TNRC6A: variants seen among roughly 807,000 people sequenced by gnomAD.
TNRC6A encodes trinucleotide repeat containing adaptor 6A.
TNRC6A carries 44 observed loss-of-function variants against 221.2 expected under a neutral mutation model. The ratio of observed to expected loss-of-function variants is 0.20; its 90% CI spans 0.16 to 0.26. The LOEUF (loss-of-function observed/expected upper bound fraction) is 0.26, where lower values mean the gene tolerates loss of function less well. Ranked by LOEUF, TNRC6A falls within the 10% of genes least tolerant of loss-of-function variation. TNRC6A has a pLI of 1.00. For missense variants in TNRC6A, 2,199 were observed against 2,404.4 expected, an observed-to-expected ratio of 0.91 and a Z score of 1.79; for synonymous variants, 847 against 838.5, an observed-to-expected ratio of 1.01 and a Z score of -0.18.
chr16:24,742,489 G>T (rs972997118), intron 2 of TNRC6A, among the ~76,000 whole-genome samples: 4 of 152,192 alleles, frequency 2.6e-5, no homozygotes, highest in African/African-American at 9.6e-5. Flanking sequence ...TGGTGTTACA[G>T]TGTTAGTAAA....
intron 2 of TNRC6A, among the ~76,000 whole-genome samples, chr16:24,695,059 C>T (rs57211274): frequency 0.063 from 9,582 of 152,210 alleles, 771 homozygotes; most frequent in East Asian, 0.32. Context: ...AAACCCACAT[C>T]GGATAATGTG....
rs1900506634 is a variant in TNRC6A, at chr16:24,618,669, G to GA, written n.276+8186dup. ...TTTTTTTTTTTTTTTTTTTTTTTTT[G>GA]AGACAAGGTCTCACTCTGGCATCCC... On this transcript the variant is annotated intron_variant and non_coding_transcript_variant, in intron 1 of 2. Transcript: ENST00000566108. 1.5e-4 allele frequency among the ~76,000 whole-genome samples: 4 copies of GA among 26,548 alleles called. No individual in the cohort carries two copies. In the East Asian group the frequency reaches 3.3e-3, roughly 22 times the overall value. 17.4% of individuals were successfully genotyped at this position (26,548 alleles called of 152,430 possible).
At chr16:24,674,506 G>C (rs2055368083) in intron 2 of TNRC6A, among the ~76,000 whole-genome samples, 1 of 152,104 alleles carries the variant, frequency 6.6e-6, no homozygotes. Context: ...TAATAATCTG[G>C]AACTAATTGG....
chr16:24,747,710 T>G (rs1420221123), intron 2 of TNRC6A, among the ~76,000 whole-genome samples: 3 of 152,152 alleles, frequency 2.0e-5, no homozygotes, highest in Non-Finnish European at 4.4e-5. Context: ...GTGATGATAG[T>G]GTTGAAGAAC....
rs75174818 is a variant in TNRC6A at position 24,794,800 on chromosome 16, C to G, written c.3528+81C>G. 3,544 of 1,402,534 alleles carry G rather than the reference C, an allele frequency of 2.5e-3. 104 individuals carry two copies. In the East Asian group the frequency reaches 0.068, roughly 27 times the overall value. The allele number at this position is 1,402,534 out of a possible 1,614,324, so 86.9% of individuals were successfully genotyped here. On this transcript the variant is annotated intron_variant, in intron 8 of 24. Transcript: ENST00000395799. Reference sequence around the variant, plus strand: ...CACAGAAAATTAACTTTTCGCCTGCCCATTTCTGGCGGTCAGTACAGTCCA... The same window carrying G: ...CACAGAAAATTAACTTTTCGCCTGCGCATTTCTGGCGGTCAGTACAGTCCA...
intron 2 of TNRC6A, chr16:24,661,634 G>C (rs1224864385): frequency 1.3e-5 from 2 of 152,098 alleles, no homozygotes; most frequent in South Asian, 2.1e-4. Context: ...GGATGGTCTC[G>C]ATCTCTTCAC....
At chr16:24,795,762 T>G in intron 8 of TNRC6A, 145 bp from the exon 9 acceptor site, 2 of 637,868 alleles carry the variant, frequency 3.1e-6, no homozygotes, top group Non-Finnish European at 5.4e-6. Context: ...CTGATGAATT[T>G]GAGACTGGAA....
chr16:24,696,406 G>A (rs1033653553), intron 2 of TNRC6A, among the ~76,000 whole-genome samples: 29 of 150,750 alleles, frequency 1.9e-4, no homozygotes, highest in Non-Finnish European at 1.9e-4. Flanking sequence ...TCATGCTAAA[G>A]GTGCTTGTTC....
intron 2 of TNRC6A, among the ~76,000 whole-genome samples, chr16:24,655,000 T>C (rs1181518997): frequency 1.3e-5 from 2 of 152,172 alleles, no homozygotes; most frequent in South Asian, 2.1e-4. Flanking sequence ...CCCAGCACTT[T>C]GGGAGCCCAA....
chr16:24,807,468 T>C lies in TNRC6A; in HGVS notation c.4540+684T>C, dbSNP rs368173765. Among the ~76,000 whole-genome samples, 17 of 152,346 alleles carry C rather than the reference T, an allele frequency of 1.1e-4. No individual in the cohort carries two copies. The East Asian group carries it at 3.3e-3, about 29-fold the overall frequency. ...TTAGAAACAGTACACCAGAGAATTTTTGAGCAGTGCTGTTTTGGTGAAACA... is the reference window on the plus strand; with the variant it reads ...TTAGAAACAGTACACCAGAGAATTTCTGAGCAGTGCTGTTTTGGTGAAACA... On this transcript the variant is annotated intron_variant, in intron 17 of 24. Coordinates refer to ENST00000395799, the MANE Select transcript of TNRC6A (RefSeq NM_014494.4).
rs372754630 is a variant in TNRC6A, at chr16:24,748,389, T to C, written c.54-2337T>C. ...TCTTGCTCCTTGACTTCCCTGGGAT[T>C]GTAGTGTGAGTGAGCTTGTTCAGTC... On this transcript the variant is annotated intron_variant, in intron 2 of 24. Coordinates refer to ENST00000395799, the MANE Select transcript of TNRC6A (RefSeq NM_014494.4). Among the ~76,000 whole-genome samples, 26 of 152,256 alleles carry C rather than the reference T, an allele frequency of 1.7e-4. 1 individual carries two copies. Among genetic ancestry groups the C allele is most frequent in the African/African-American group, 6.0e-4 (25 of 41,538 alleles).
chr16:24,645,140 A>G (rs1902205778), intron 2 of TNRC6A, among the ~76,000 whole-genome samples: 1 of 152,238 alleles, frequency 6.6e-6, no homozygotes, highest in South Asian at 2.1e-4. Context: ...TCACTTCCAC[A>G]TTGGTGAAGC....
At position 24,823,378 on chromosome 16, in the gene TNRC6A, T is replaced by G; in HGVS notation, c.5514-54T>G. On this transcript the variant is annotated intron_variant, in intron 24 of 24. Transcript: ENST00000395799. This position sits in a 1 kb window ranked among gnomAD's most constrained non-coding sequence, Gnocchi z 4.3. ...AGTTGCACCCTCACTTGTGAGTGAA[T>G]GAAGCCCTCCTGGTGTGCTGTCCTC... 1 of 1,542,746 alleles carries G rather than the reference T, an allele frequency of 6.5e-7. No individual in the cohort carries two copies.
chr16:24,817,217 G>A (rs2058675008), intron 20 of TNRC6A, among the ~76,000 whole-genome samples: 1 of 152,156 alleles, frequency 6.6e-6, no homozygotes, highest in African/African-American at 2.4e-5. Flanking sequence ...TTTAAATGGT[G>A]AGGATTTTAT....
At position 24,824,987 on chromosome 16, in the gene TNRC6A, T is replaced by C. The variant is rs1304809600; in HGVS notation, c.*1180T>C. On this transcript the variant is annotated 3_prime_UTR_variant, in exon 25 of 25. Coordinates refer to ENST00000395799, the MANE Select transcript of TNRC6A (RefSeq NM_014494.4). The stretch of plus-strand genomic sequence containing the variant: ...TGGTTTGCTAATAATCAATAGGTAA[T>C]AATTTTTTGTAATCCCATCAAGTGG... 1 of 152,650 alleles carries C rather than the reference T, an allele frequency of 6.6e-6. No individual in the cohort carries two copies. Among genetic ancestry groups the C allele is most frequent in the East Asian group, 1.9e-4 (1 of 5,204 alleles). The allele number at this position is 152,650 out of a possible 1,614,324, so 9.5% of individuals were successfully genotyped here. A position where few individuals can be genotyped will look rare whatever the true frequency, so the allele number is the denominator to read the frequency against.
intron 5 of TNRC6A, among the ~76,000 whole-genome samples, chr16:24,782,753 G>T (rs575928463): frequency 1.6e-4 from 24 of 152,164 alleles, no homozygotes; most frequent in African/African-American, 5.5e-4. Context: ...GTGGTGGCGG[G>T]CTCCTGTAGT....
In TNRC6A at chr16:24,729,678, G is replaced by GCGGTGTCGGTGTCGGCGGCGGTGT; in HGVS notation, c.-155_-154insTGTCGGCGGCGGTGTCGGTGTCGG. 1.4e-6 allele frequency: 1 copy of GCGGTGTCGGTGTCGGCGGCGGTGT among 727,982 alleles called. No individual in the cohort carries two copies. The highest frequency in any genetic ancestry group is 1.9e-6 in the Non-Finnish European group (1 of 529,052). 45.1% of individuals were successfully genotyped at this position (727,982 alleles called of 1,614,324 possible). On this transcript the variant is annotated 5_prime_UTR_variant, in exon 1 of 25. Transcript: ENST00000395799. ...TTCCGGTCTGGGGCCTGCGGCGGCG[G>GCGGTGTCGGTGTCGGCGGCGGTGT]CGGTGTCGGCGGCGGCGGCGGCGGC...
chr16:24,638,710 CA>C (rs58588503), intron 1 of TNRC6A, among the ~76,000 whole-genome samples: 81,794 of 145,930 alleles, frequency 0.56, 23,379 homozygotes, highest in African/African-American at 0.72. Context: ...AAGGTTGTCT[CA>C]AAAAAAAAAA....
Position 24,804,244 on chromosome 16 carries a change from G to A in TNRC6A, c.3762G>A (p.Thr1254=), listed in dbSNP as rs200279452. The A allele has an allele frequency of 1.1e-4, 177 of 1,613,704 alleles. No individual in the cohort carries two copies. The East Asian group carries it at 2.1e-3, about 19-fold the overall frequency. ...HSLNIGDYNR[T]VGKGPGSRPQ... is the part of the protein sequence containing the mutation. ...TAAATATTGGTGATTACAATCGAAC[G>A]GTCGGGAAAGGCCCTGGTTCTCGGC... Residue 1254 remains threonine (T), a synonymous_variant, in exon 12 of 25, where the codon ACG becomes ACA. Transcript: ENST00000395799.
Sources: allele counts gnomAD v4.1 joint callset (sites outside exome capture counted in the v4.1 genomes callset), GRCh38; gene constraint gnomAD v4.1.1; non-coding constraint Gnocchi (gnomAD v3.1); transcripts MANE v1.5; gene names NCBI Gene and HGNC (gene_info 2026-07-23, HGNC 2026-07-21).